AMDHD1: variants seen among roughly 807,000 people sequenced by gnomAD.
AMDHD1 encodes probable imidazolonepropionase.
AMDHD1 carries 45 observed loss-of-function variants against 44.1 expected under a neutral mutation model. The ratio of observed to expected loss-of-function variants is 1.02; its 90% CI spans 0.80 to 1.31. The LOEUF is 1.31. Ranked by LOEUF, AMDHD1 falls within the 50% of genes most tolerant of loss-of-function variation. The pLI, the probability that AMDHD1 is intolerant of heterozygous loss-of-function variation, is 0.00. For synonymous variants in AMDHD1, 206 were observed against 205.0 expected (o/e 1.00, Z -0.04); for missense variants, 586 against 552.1 (o/e 1.06, Z -0.61).
intron 1 of AMDHD1, among the ~76,000 whole-genome samples, chr12:95,946,398 T>A (rs1320474009): frequency 6.6e-6 from 1 of 152,146 alleles, no homozygotes; most frequent in East Asian, 1.9e-4. Context: ...TTCACAAATA[T>A]GTGCTGAGTA....
At position 95,967,857 on chromosome 12, in the gene AMDHD1, A is replaced by G; in HGVS notation, c.*14A>G. 6.6e-7 allele frequency: 1 copy of G among 1,524,538 alleles called. No individual in the cohort carries two copies. 94.4% of individuals were successfully genotyped at this position (1,524,538 alleles called of 1,614,324 possible). ...TATAAAACATGATAGATTTGAAAAG[A>G]GAAGACTTTTTGACTATATGAAATA... is the stretch of plus-strand genomic sequence containing the variant. On this transcript the variant is annotated 3_prime_UTR_variant, in exon 9 of 9. Coordinates refer to ENST00000266736, the MANE Select transcript of AMDHD1 (RefSeq NM_152435.3).
intron 3 of AMDHD1, 91 bp from the exon 4 acceptor site, chr12:95,956,594 C>T (rs2136764579): frequency 6.5e-7 from 1 of 1,527,298 alleles, no homozygotes; most frequent in East Asian, 2.3e-5. Context: ...GCTTCTTAAT[C>T]ATTATATAAT....
chr12:95,958,820 C>T (rs1159629491), intron 4 of AMDHD1, among the ~76,000 whole-genome samples: 1 of 152,146 alleles, frequency 6.6e-6, no homozygotes. Context: ...CTTTGGGGGG[C>T]CGAGGCGGGT....
Position 95,944,327 on chromosome 12 carries a change from T to TTTTATTTATTTA in AMDHD1, c.137+828_137+839dup, listed in dbSNP as rs34358106. 4.5e-3 allele frequency among the ~76,000 whole-genome samples: 637 copies of TTTTATTTATTTA among 141,634 alleles called. 3 individuals are homozygous for TTTTATTTATTTA. Among genetic ancestry groups the TTTTATTTATTTA allele is most frequent in the East Asian group, 8.9e-3 (43 of 4,858 alleles). The allele number at this position is 141,634 out of a possible 152,430, so 92.9% of individuals were successfully genotyped here. On this transcript the variant is annotated intron_variant, in intron 1 of 8. Coordinates refer to ENST00000266736, the MANE Select transcript of AMDHD1 (RefSeq NM_152435.3). ...TTTAAGGGACTGTGGGTTGGTTTAA[T>TTTTATTTATTTA]TTTATTTATTTATTTATTTATTTAT...
chr12:95,962,408 T>G lies in AMDHD1; in HGVS notation c.867T>G (p.Asp289Glu). The G allele has an allele frequency of 6.2e-7, 1 of 1,614,022 alleles. No individual in the cohort carries two copies. The highest frequency in any genetic ancestry group is 8.5e-7 in the Non-Finnish European group (1 of 1,179,954). The change falls in exon 6 of 9, where the codon GAT (aspartate) becomes GAG (glutamate). Residue 289 changes from aspartate to glutamate, a missense_variant. Transcript: ENST00000266736. ...QAISHLEEVS[D>E]EGIVAMATAR... ...TCAGCCACCTGGAAGAAGTGAGTGA[T>G]GAAGGCATCGTTGCCATGGCAACGG...
intron 6 of AMDHD1, among the ~76,000 whole-genome samples, chr12:95,964,546 A>C (rs1171594883): frequency 6.6e-6 from 1 of 152,102 alleles, no homozygotes; most frequent in African/African-American, 2.4e-5. Flanking sequence ...AATGACTTGC[A>C]GGGACATTTG....
intron 6 of AMDHD1, among the ~76,000 whole-genome samples, chr12:95,963,567 C>T (rs1177467971): frequency 1.3e-5 from 2 of 152,110 alleles, no homozygotes; most frequent in African/African-American, 4.8e-5. Flanking sequence ...TATTACTATT[C>T]TCTTAAAGAG....
chr12:95,965,418 GA>G (rs1408789913), intron 6 of AMDHD1, among the ~76,000 whole-genome samples: 1 of 151,526 alleles, frequency 6.6e-6, no homozygotes, highest in East Asian at 1.9e-4. Flanking sequence ...CCCTTTGCAA[GA>G]ATGCCTTAAT....
rs1303600320 is a variant in AMDHD1 at position 95,953,284 on chromosome 12, TA to T, written c.244+464del. Among the ~76,000 whole-genome samples, 4 of 152,314 alleles carry T rather than the reference TA, an allele frequency of 2.6e-5. No homozygotes were observed. In the East Asian group the frequency reaches 7.7e-4, roughly 29 times the overall value. On this transcript the variant is annotated intron_variant, in intron 2 of 8. Coordinates refer to ENST00000266736, the MANE Select transcript of AMDHD1 (RefSeq NM_152435.3). ...GCTGTCTCTAATACTAGAAATACTC[TA>T]AATTTGTATAGGATGTGAAACAAAG...
chr12:95,967,248 G>T (rs975420949), intron 8 of AMDHD1, among the ~76,000 whole-genome samples: 1 of 152,208 alleles, frequency 6.6e-6, no homozygotes, highest in African/African-American at 2.4e-5. Flanking sequence ...CCACTCCCAT[G>T]ATTCAATTAC....
chr12:95,966,430 A>T lies in AMDHD1; in HGVS notation c.1115A>T (p.Tyr372Phe), dbSNP rs755248408. The T allele has an allele frequency of 2.5e-6, 4 of 1,614,272 alleles. No individual in the cohort carries two copies. Among genetic ancestry groups the T allele is most frequent in the Non-Finnish European group, 3.4e-6 (4 of 1,180,052 alleles). ...GCCGCTGCCACCATCAATGCAGCTT[A>T]TGCACTGGGAAAGTCTCACACACAC... ...ALAAATINAA[Y>F]ALGKSHTHGS... is the part of the protein sequence containing the mutation. The change falls in exon 8 of 9, where the codon TAT becomes TTT. Residue 372 changes from tyrosine (Y) to phenylalanine (F), a missense_variant. Physicochemically the swap from Tyr to Phe is conservative, Grantham distance 22. Coordinates refer to ENST00000266736, the MANE Select transcript of AMDHD1 (RefSeq NM_152435.3).
intron 4 of AMDHD1, among the ~76,000 whole-genome samples, chr12:95,959,758 GC>G (rs1415209925): frequency 6.8e-6 from 1 of 146,896 alleles, no homozygotes; most frequent in Non-Finnish European, 1.5e-5. Context: ...TATCCAGGAT[GC>G]CCTCTGAGTG....
intron 2 of AMDHD1, 83 bp from the exon 3 acceptor site, chr12:95,954,828 G>A: frequency 2.3e-6 from 3 of 1,282,576 alleles, no homozygotes; most frequent in Non-Finnish European, 3.4e-6. Flanking sequence ...CCCCAGAGCA[G>A]CAGGGTATAG....
intron 4 of AMDHD1, among the ~76,000 whole-genome samples, chr12:95,958,260 T>C (rs904823420): frequency 2.0e-5 from 3 of 152,094 alleles, no homozygotes; most frequent in Non-Finnish European, 2.9e-5. Context: ...CTATTAGCTA[T>C]AGTCACTTTT....
chr12:95,956,835 G>C lies in AMDHD1; in HGVS notation c.460G>C (p.Glu154Gln). ...CMMRAGTTLV[E>Q]CKSGYGLDLE... ...GATGAGGGCTGGCACCACGCTGGTG[G>C]AGTGCAAGAGTGGATATGGCCTCGA... is the stretch of plus-strand genomic sequence containing the variant. The change falls in exon 4 of 9, where the codon GAG (glutamate) becomes CAG (glutamine). Residue 154 changes from glutamate (E) to glutamine (Q), a missense_variant. Physicochemically the swap from Glu to Gln is conservative, Grantham distance 29. Transcript: ENST00000266736. 6.2e-7 allele frequency: 1 copy of C among 1,614,132 alleles called. No individual in the cohort carries two copies. The highest frequency in any genetic ancestry group is 8.5e-7 in the Non-Finnish European group (1 of 1,179,976).
At position 95,968,550 on chromosome 12, in the gene AMDHD1, AAC is replaced by A. The variant is rs2080623877; in HGVS notation, c.*711_*712del. The A allele has an allele frequency of 6.6e-6, 1 of 152,196 alleles. No individual in the cohort carries two copies. The highest frequency in any genetic ancestry group is 1.5e-5 in the Non-Finnish European group (1 of 68,024). The allele number at this position is 152,196 out of a possible 1,614,324, so 9.4% of individuals were successfully genotyped here. A position where few individuals can be genotyped will look rare whatever the true frequency, so the allele number is the denominator to read the frequency against. ...GATTCTTTACATTACAATTGGGTGA[AAC>A]ACATTTTACAGCTCTCAATAAATGT... On this transcript the variant is annotated 3_prime_UTR_variant, in exon 9 of 9. Coordinates refer to ENST00000266736, the MANE Select transcript of AMDHD1 (RefSeq NM_152435.3).
intron 1 of AMDHD1, among the ~76,000 whole-genome samples, chr12:95,944,068 T>C (rs2080480747): frequency 2.0e-5 from 3 of 152,176 alleles, no homozygotes; most frequent in African/African-American, 7.2e-5. Flanking sequence ...CCCTGAGTGA[T>C]AATAAATCAA....
In AMDHD1 at chr12:95,956,690, A is replaced by C. The variant is rs772400510; in HGVS notation, c.315A>C (p.Ala105=). The change falls in exon 4 of 9, where the codon GCA becomes GCC. Residue 105 remains alanine, a synonymous_variant. Transcript: ENST00000266736. ...AAGGTGAGGCGTGTGTTCAGTTGGC[A>C]GGAGCCACCTACATGGAAATTCACC... ...ERVHEFAMKL[A]GATYMEIHQA... is the part of the protein sequence containing the mutation. 6.2e-7 allele frequency: 1 copy of C among 1,613,846 alleles called. No homozygotes were observed. Among genetic ancestry groups the C allele is most frequent in the Non-Finnish European group, 8.5e-7 (1 of 1,179,758 alleles).
At chr12:95,947,593 C>T (rs1202626623) in intron 1 of AMDHD1, among the ~76,000 whole-genome samples, 1 of 68,418 alleles carries the variant, frequency 1.5e-5, no homozygotes, top group Non-Finnish European at 2.7e-5. Context: ...GCCCCCCCGC[C>T]CGGACAGCCG....
Sources: allele counts gnomAD v4.1 joint callset (sites outside exome capture counted in the v4.1 genomes callset), GRCh38; gene constraint gnomAD v4.1.1; transcripts MANE v1.5; gene names NCBI Gene and HGNC (gene_info 2026-07-23, HGNC 2026-07-21).